Variants in CADPS2 observed in about 807,000 individuals in gnomAD.
The protein encoded by CADPS2 is calcium dependent secretion activator 2.
Under a neutral mutation model 172.5 loss-of-function variants are expected in CADPS2, and 93 were observed. The observed-to-expected ratio is 0.54, with a 90% CI of 0.46 to 0.64. The LOEUF is 0.64. Ranked by LOEUF, CADPS2 falls within the 30% of genes least tolerant of loss-of-function variation. The probability of loss-of-function intolerance (pLI) is 0.00; values close to 1 mark genes in which losing one functional copy is unlikely to be tolerated. For missense variants in CADPS2, 1,420 were observed against 1,565.9 expected (o/e 0.91, Z 1.57); for synonymous variants, 546 against 555.2 (o/e 0.98, Z 0.23).
At chr7:122,494,882 T>C (rs1330452746) in intron 9 of CADPS2, among the ~76,000 whole-genome samples, 1 of 136,776 alleles carries the variant, frequency 7.3e-6, no homozygotes, top group African/African-American at 2.9e-5. Flanking sequence ...CCCATAAGGG[T>C]TTTTTTTTTT....
At chr7:122,844,564 T>C (rs540160033) in intron 1 of CADPS2, among the ~76,000 whole-genome samples, 203 of 152,330 alleles carry the variant, frequency 1.3e-3, no homozygotes, top group Middle Eastern at 3.4e-3. Context: ...GCACAGGAAA[T>C]ATTTTAGAAG....
intron 8 of CADPS2, among the ~76,000 whole-genome samples, chr7:122,550,459 T>C (rs2064135033): frequency 6.6e-6 from 1 of 152,194 alleles, no homozygotes; most frequent in Non-Finnish European, 1.5e-5. Context: ...ACTCTATTTT[T>C]ACTATAAAAG....
At chr7:122,327,596 TA>T (rs1468735219) in intron 28 of CADPS2, among the ~76,000 whole-genome samples, 1 of 152,094 alleles carries the variant, frequency 6.6e-6, no homozygotes, top group Non-Finnish European at 1.5e-5. Flanking sequence ...TATGCATCTT[TA>T]TGTTCTTGAA....
intron 1 of CADPS2, among the ~76,000 whole-genome samples, chr7:122,797,199 A>G (rs1180488415): frequency 1.3e-5 from 2 of 152,170 alleles, no homozygotes; most frequent in Non-Finnish European, 2.9e-5. Flanking sequence ...AAGTCAAATA[A>G]CAGATGATGG....
At chr7:122,681,481 C>T (rs1588381864) in intron 2 of CADPS2, 1 of 1,512,202 alleles carries the variant, frequency 6.6e-7, no homozygotes, top group Non-Finnish European at 9.1e-7. Context: ...ATTTCTGAAG[C>T]AAGCGTCTTC....
intron 7 of CADPS2, among the ~76,000 whole-genome samples, chr7:122,560,080 G>A (rs368235743): frequency 2.8e-4 from 42 of 152,156 alleles, no homozygotes; most frequent in Non-Finnish European, 4.0e-4. Flanking sequence ...GTTTAGTTGC[G>A]GCCAGATAGC....
At chr7:122,818,170 T>C (rs1433241315) in intron 1 of CADPS2, among the ~76,000 whole-genome samples, 1 of 151,196 alleles carries the variant, frequency 6.6e-6, no homozygotes, top group Non-Finnish European at 1.5e-5. Context: ...CTTCCTTCAC[T>C]ATGGGCAACC....
chr7:122,428,529 G>T (rs941109438), intron 17 of CADPS2, among the ~76,000 whole-genome samples: 1 of 150,170 alleles, frequency 6.7e-6, no homozygotes, highest in Non-Finnish European at 1.5e-5. Flanking sequence ...GTACAGTGGC[G>T]CAATCACGGC....
intron 1 of CADPS2, among the ~76,000 whole-genome samples, chr7:122,781,405 TCA>T (rs759401606): frequency 3.5e-4 from 53 of 152,254 alleles, no homozygotes; most frequent in Non-Finnish European, 6.0e-4. Context: ...ATTTTCTCTT[TCA>T]CAGTTTGTGT....
chr7:122,373,132 A>G (rs1433290990), intron 25 of CADPS2, among the ~76,000 whole-genome samples: 7 of 152,134 alleles, frequency 4.6e-5, no homozygotes, highest in Admixed American at 4.6e-4. Flanking sequence ...TAAAAAAGTC[A>G]TTTCTTCCTT....
chr7:122,849,259 A>G (rs931582130), intron 1 of CADPS2, among the ~76,000 whole-genome samples: 73 of 152,230 alleles, frequency 4.8e-4, no homozygotes, highest in Non-Finnish European at 1.8e-4. Flanking sequence ...AACATTCTGA[A>G]GCTCTCCTCA....
chr7:122,675,417 CTCCTT>C (rs1172775112), intron 2 of CADPS2, among the ~76,000 whole-genome samples: 1 of 152,212 alleles, frequency 6.6e-6, no homozygotes, highest in African/African-American at 2.4e-5. Flanking sequence ...GTGATGTTCT[CTCCTT>C]TCATTTCCAG....
intron 7 of CADPS2, among the ~76,000 whole-genome samples, chr7:122,567,841 TAAA>T (rs2066664652): frequency 6.6e-6 from 1 of 151,866 alleles, no homozygotes. Flanking sequence ...ACTAGAATCT[TAAA>T]GAACATTCAA....
chr7:122,604,190 A>T (rs1481572521), intron 6 of CADPS2, among the ~76,000 whole-genome samples: 1 of 152,086 alleles, frequency 6.6e-6, no homozygotes, highest in African/African-American at 2.4e-5. Context: ...GAACTTATTT[A>T]CCAATTCATA....
intron 1 of CADPS2, among the ~76,000 whole-genome samples, chr7:122,739,438 C>T (rs971762961): frequency 5.9e-5 from 9 of 151,912 alleles, no homozygotes; most frequent in African/African-American, 1.9e-4. Flanking sequence ...ATTTAAGTTC[C>T]GCTATTATAA....
chr7:122,817,370 G>A (rs962224447), intron 1 of CADPS2, among the ~76,000 whole-genome samples: 4 of 152,066 alleles, frequency 2.6e-5, no homozygotes, highest in Non-Finnish European at 5.9e-5. Context: ...TCTCATCACT[G>A]TCCCTCAACC....
intron 3 of CADPS2, among the ~76,000 whole-genome samples, chr7:122,639,311 T>C (rs956877775): frequency 6.6e-6 from 1 of 152,210 alleles, no homozygotes; most frequent in African/African-American, 2.4e-5. Context: ...GTTTATATAA[T>C]TCTTATGAGC....
chr7:122,460,870 T>C (rs1390962232), intron 14 of CADPS2, among the ~76,000 whole-genome samples: 1 of 152,120 alleles, frequency 6.6e-6, no homozygotes, highest in African/African-American at 2.4e-5. Flanking sequence ...AGTGAAACAG[T>C]AGATGTCAGA....
At chr7:122,427,826 G>T (rs189353216) in intron 17 of CADPS2, among the ~76,000 whole-genome samples, 1 of 152,020 alleles carries the variant, frequency 6.6e-6, no homozygotes, top group Admixed American at 6.6e-5. Flanking sequence ...AATTTTGATG[G>T]ATACTGCAAT....
Sources: gnomAD v4.1 joint callset for allele counts (sites outside exome capture counted in the v4.1 genomes callset) on GRCh38, gnomAD v4.1.1 for gene constraint, MANE v1.5 for transcripts, NCBI Gene and HGNC (gene_info 2026-07-23, HGNC 2026-07-21) for gene names.